Variants in SLC25A26 observed in about 807,000 individuals in gnomAD.
SLC25A26 encodes the protein solute carrier family 25 member 26.
A neutral mutation model predicts 37.8 loss-of-function variants in SLC25A26; 36 were observed. That is an observed-to-expected ratio of 0.95 (90% confidence interval 0.73 to 1.26). The LOEUF is 1.26. SLC25A26 is among the 50% of genes most tolerant of loss of function. The pLI is 0.00. For missense variants in SLC25A26, 390 were observed against 331.1 expected, an observed-to-expected ratio of 1.18 and a Z score of -1.38; for synonymous variants, 129 against 122.5, an observed-to-expected ratio of 1.05 and a Z score of -0.35.
intron 1 of SLC25A26, among the ~76,000 whole-genome samples, chr3:66,202,531 G>GAA (rs1177179044): frequency 0.073 from 6,289 of 86,386 alleles, 196 homozygotes; most frequent in Non-Finnish European, 0.11. Context: ...AAAGTAAAAT[G>GAA]AAAAAAAAAA....
intron 9 of SLC25A26, chr3:66,371,167 C>A (rs747794110): frequency 6.9e-7 from 1 of 1,448,696 alleles, no homozygotes; most frequent in Non-Finnish European, 9.1e-7. Context: ...ATGTTGAGAT[C>A]TTACAGGCAT....
rs570172911 is a variant in SLC25A26 at position 66,274,272 on chromosome 3, C to T, written c.453+10893C>T. On this transcript the variant is annotated intron_variant, in intron 5 of 9. Transcript: ENST00000354883. The stretch of plus-strand genomic sequence containing the variant: ...ATTCAAGATGGGTTAAAGACTTAAA[C>T]GTTAGACCTAAAACCATAAAAACCC... 2.7e-3 allele frequency among the ~76,000 whole-genome samples: 405 copies of T among 151,946 alleles called. 4 individuals are homozygous for T. Among genetic ancestry groups the T allele is most frequent in the East Asian group, 5.0e-3 (26 of 5,176 alleles).
chr3:66,187,019 C>T (rs1226802881), intron 1 of SLC25A26, among the ~76,000 whole-genome samples: 3 of 152,014 alleles, frequency 2.0e-5, no homozygotes, highest in African/African-American at 4.8e-5. Flanking sequence ...GACACTCAAG[C>T]TGACCATGAT....
intron 5 of SLC25A26, among the ~76,000 whole-genome samples, chr3:66,315,545 C>T (rs114306699): frequency 5.9e-5 from 9 of 152,034 alleles, no homozygotes; most frequent in East Asian, 1.9e-4. Flanking sequence ...TCCAATTGTG[C>T]GATCAGTTTT....
At chr3:66,140,685 A>G (rs1189367733) in intron 1 of SLC25A26, among the ~76,000 whole-genome samples, 6 of 152,156 alleles carry the variant, frequency 3.9e-5, no homozygotes, top group Admixed American at 6.5e-5. Context: ...CCTTATCGGC[A>G]CCTGTCTTTT....
intron 5 of SLC25A26, among the ~76,000 whole-genome samples, chr3:66,267,047 CACTACAAGGA>C (rs750897204): frequency 1.5e-4 from 23 of 152,140 alleles, no homozygotes; most frequent in Non-Finnish European, 3.1e-4. Flanking sequence ...GGTCTTGGGG[CACTACAAGGA>C]ACATTTCTGC....
At chr3:66,220,802 T>G, upstream of SLC25A26, 1 of 505,426 alleles carries the variant, frequency 2.0e-6, no homozygotes, top group Non-Finnish European at 3.5e-6. Flanking sequence ...CCACGGATCT[T>G]TTGCTCGCGA....
chr3:66,286,817 C>T (rs1263580252), intron 5 of SLC25A26, among the ~76,000 whole-genome samples: 1 of 152,138 alleles, frequency 6.6e-6, no homozygotes, highest in African/African-American at 2.4e-5. Context: ...TGTGCACCAC[C>T]ATGCCCTGCT....
intron 1 of SLC25A26, among the ~76,000 whole-genome samples, chr3:66,172,850 C>G (rs1196191037): frequency 6.6e-6 from 1 of 152,156 alleles, no homozygotes; most frequent in African/African-American, 2.4e-5. Flanking sequence ...CCAAATTTCC[C>G]CTTTTTATGA....
intron 4 of SLC25A26, among the ~76,000 whole-genome samples, chr3:66,262,942 C>T (rs2073589138): frequency 6.6e-6 from 1 of 152,108 alleles, no homozygotes; most frequent in African/African-American, 2.4e-5. Context: ...CATTTGTAGG[C>T]ATTTGCTTTT....
At chr3:66,156,818 G>A (rs557501008) in intron 1 of SLC25A26, among the ~76,000 whole-genome samples, 1 of 152,244 alleles carries the variant, frequency 6.6e-6, no homozygotes, top group Admixed American at 6.5e-5. Flanking sequence ...AAAGTAGAGG[G>A]AATGTAGTGG....
At position 66,346,401 on chromosome 3, in the gene SLC25A26, C is replaced by A. The variant is rs1172712049; in HGVS notation, c.491C>A (p.Ser164Tyr). ...TTGGTCCAGTTTCCCTTATGGGAGT[C>A]CTTAAAAGTAAGTTTCTCAGTCTTC... Reference protein sequence around the residue: ...FSLVQFPLWESLKALWSWRQD... With the variant: ...FSLVQFPLWEYLKALWSWRQD... Residue 164 changes from serine to tyrosine, a missense_variant, in exon 6 of 10, where the codon TCC (serine) becomes TAC (tyrosine). Ser to Tyr is a moderately radical substitution (Grantham distance 144, BLOSUM62 -2). Coordinates refer to ENST00000354883, the MANE Select transcript of SLC25A26 (RefSeq NM_001379210.1). 1 of 1,471,872 alleles carries A rather than the reference C, an allele frequency of 6.8e-7. No individual in the cohort carries two copies. The highest frequency in any genetic ancestry group is 9.1e-7 in the Non-Finnish European group (1 of 1,102,260). 91.2% of individuals were successfully genotyped at this position (1,471,872 alleles called of 1,614,324 possible). A position where few individuals can be genotyped will look rare whatever the true frequency, so the allele number is the denominator to read the frequency against.
chr3:66,371,488 G>T, intron 9 of SLC25A26: 1 of 1,370,400 alleles, frequency 7.3e-7, no homozygotes, highest in Non-Finnish European at 9.4e-7. Flanking sequence ...TTGGAAGTTT[G>T]AAAAGTAGGT....
chr3:66,232,277 A>G (rs782800518), intron 1 of SLC25A26, among the ~76,000 whole-genome samples: 3 of 152,108 alleles, frequency 2.0e-5, no homozygotes, highest in Non-Finnish European at 4.4e-5. Context: ...AATGACAGAG[A>G]ATCATATTTT....
chr3:66,135,275 C>T (rs971423903), intron 1 of SLC25A26, among the ~76,000 whole-genome samples: 6 of 151,996 alleles, frequency 3.9e-5, no homozygotes, highest in Non-Finnish European at 8.8e-5. Context: ...TGTTTCAGGG[C>T]GATTTTCAAT....
intron 3 of SLC25A26, among the ~76,000 whole-genome samples, chr3:66,247,693 A>G (rs1025100469): frequency 1.3e-5 from 2 of 152,180 alleles, no homozygotes; most frequent in Non-Finnish European, 2.9e-5. Context: ...TTGTGGAAAT[A>G]TTGGTTCTGA....
intron 1 of SLC25A26, among the ~76,000 whole-genome samples, chr3:66,176,065 C>A (rs1203753583): frequency 6.6e-6 from 1 of 152,066 alleles, no homozygotes; most frequent in Non-Finnish European, 1.5e-5. Context: ...GCACTTGATC[C>A]TTTTGCTTGA....
intron 3 of SLC25A26, among the ~76,000 whole-genome samples, chr3:66,246,198 C>T (rs1254484573): frequency 1.3e-5 from 2 of 152,118 alleles, no homozygotes; most frequent in African/African-American, 4.8e-5. Flanking sequence ...CACACAGTCT[C>T]GTTACATGCA....
chr3:66,206,255 G>A (rs1261867685), intron 1 of SLC25A26, among the ~76,000 whole-genome samples: 1 of 152,134 alleles, frequency 6.6e-6, no homozygotes, highest in African/African-American at 2.4e-5. Context: ...CAGATACGGG[G>A]CAGTGTATCT....
Sources: gnomAD v4.1 joint callset for allele counts (sites outside exome capture counted in the v4.1 genomes callset) on GRCh38, gnomAD v4.1.1 for gene constraint, MANE v1.5 for transcripts, NCBI Gene and HGNC (gene_info 2026-07-23, HGNC 2026-07-21) for gene names.